The following EYS variants were observed in gnomAD, a reference collection of about 807,000 sequenced individuals.
EYS encodes the protein EGF-like photoreceptor maintenance factor.
Under a neutral mutation model 282.1 loss-of-function variants are expected in EYS, and 250 were observed. The observed-to-expected ratio is 0.89, with a 90% CI of 0.80 to 0.98. The LOEUF (loss-of-function observed/expected upper bound fraction) is 0.98. Among genes scored for constraint, EYS ranks in the 50% least tolerant of loss-of-function variants. The pLI is 0.00. For synonymous variants in EYS, 1,355 were observed against 1,282.9 expected, an observed-to-expected ratio of 1.06 and a Z score of -1.20; for missense variants, 4,016 against 3,709.0, an observed-to-expected ratio of 1.08 and a Z score of -2.15.
chr6:64,318,518 C>A (rs1770069697), intron 29 of EYS, among the ~76,000 whole-genome samples: 1 of 151,934 alleles, frequency 6.6e-6, no homozygotes, highest in Admixed American at 6.6e-5. Context: ...TTTTTAAAAT[C>A]ATGTATCTAA....
chr6:65,183,438 G>A (rs1170751909), intron 12 of EYS, among the ~76,000 whole-genome samples: 1 of 151,768 alleles, frequency 6.6e-6, no homozygotes, highest in African/African-American at 2.4e-5. Context: ...GTTATTTTGA[G>A]TTTCTAAAGG....
intron 22 of EYS, among the ~76,000 whole-genome samples, chr6:64,634,547 CAAA>C (rs57871928): frequency 7.4e-4 from 104 of 141,332 alleles, no homozygotes; most frequent in Admixed American, 1.0e-3. Context: ...CCCTAGCTTC[CAAA>C]AAAAAAAAAA....
chr6:63,992,900 C>T (rs1767667122), intron 34 of EYS, among the ~76,000 whole-genome samples: 1 of 151,710 alleles, frequency 6.6e-6, no homozygotes, highest in Non-Finnish European at 1.5e-5. Context: ...AAGGGAAAGA[C>T]CAGATCAAGG....
chr6:64,991,307 G>A (rs1044833790), intron 14 of EYS, among the ~76,000 whole-genome samples: 5 of 151,524 alleles, frequency 3.3e-5, no homozygotes, highest in East Asian at 3.9e-4. Context: ...AAATGGGCAT[G>A]ACCAAAAAAC....
intron 12 of EYS, among the ~76,000 whole-genome samples, chr6:65,183,509 A>G (rs1033850582): frequency 3.9e-5 from 6 of 151,908 alleles, no homozygotes; most frequent in Non-Finnish European, 5.9e-5. Flanking sequence ...TACATATCTT[A>G]TAGTACTAAA....
intron 22 of EYS, among the ~76,000 whole-genome samples, chr6:64,721,142 A>G (rs1771565269): frequency 6.6e-6 from 1 of 152,214 alleles, no homozygotes; most frequent in South Asian, 2.1e-4. Flanking sequence ...AACAGGAACA[A>G]CAAAGGCTAA....
At chr6:64,430,751 T>C (rs1774549941) in intron 28 of EYS, among the ~76,000 whole-genome samples, 1 of 152,172 alleles carries the variant, frequency 6.6e-6, no homozygotes, top group Admixed American at 6.6e-5. Flanking sequence ...ATGTGACTAA[T>C]CTCTAGCCAA....
chr6:65,324,042 T>A (rs887798539), intron 11 of EYS, among the ~76,000 whole-genome samples: 1 of 152,062 alleles, frequency 6.6e-6, no homozygotes, highest in Non-Finnish European at 1.5e-5. Flanking sequence ...TCAGGGCCTT[T>A]ACACCTGCTC....
intron 31 of EYS, among the ~76,000 whole-genome samples, chr6:64,152,687 T>A (rs1774782906): frequency 6.6e-6 from 1 of 152,298 alleles, no homozygotes; most frequent in Non-Finnish European, 1.5e-5. Flanking sequence ...GCTAAGACTT[T>A]GGAAAAGGCT....
In EYS at chr6:64,541,360, A is replaced by G. The variant is rs188596480; in HGVS notation, c.5644+48863T>C. On this transcript the variant is annotated intron_variant, in intron 26 of 42. Transcript: ENST00000503581. ...TCCTATTATAGTCCCAGCAGCCTTT[A>G]AAAAAATGTGCTTAGCCAGTCAAAA... Among the ~76,000 whole-genome samples the G allele has an allele frequency of 2.0e-5, 3 of 152,300 alleles. No homozygotes were observed. In the East Asian group the frequency reaches 5.8e-4, roughly 29 times the overall value.
At chr6:64,457,639 A>G (rs1463180042) in intron 26 of EYS, among the ~76,000 whole-genome samples, 1 of 152,018 alleles carries the variant, frequency 6.6e-6, no homozygotes, top group Non-Finnish European at 1.5e-5. Flanking sequence ...TCATTTTTGA[A>G]TTAAAATCCA....
At chr6:65,317,003 T>G (rs922427049) in intron 11 of EYS, among the ~76,000 whole-genome samples, 1 of 152,198 alleles carries the variant, frequency 6.6e-6, no homozygotes, top group Non-Finnish European at 1.5e-5. Context: ...TCTGTGTGGA[T>G]TTCAATTTGA....
At chr6:63,832,043 G>A (rs570632880) in intron 36 of EYS, among the ~76,000 whole-genome samples, 5 of 152,004 alleles carry the variant, frequency 3.3e-5, no homozygotes, top group Non-Finnish European at 5.9e-5. Context: ...AACATATCAG[G>A]ATCTCTGGGA....
At chr6:64,878,974 C>A (rs1312682578) in intron 19 of EYS, among the ~76,000 whole-genome samples, 1 of 152,088 alleles carries the variant, frequency 6.6e-6, no homozygotes, top group Non-Finnish European at 1.5e-5. Flanking sequence ...TCTGAAGTTC[C>A]ATTAACACGC....
At chr6:64,274,481 G>GTTTTT (rs10640761) in intron 30 of EYS, among the ~76,000 whole-genome samples, 8,892 of 91,988 alleles carry the variant, frequency 0.097, 944 homozygotes, top group Non-Finnish European at 0.11. Context: ...ACGCCTGGCC[G>GTTTTT]TTTTTTTTTT....
chr6:65,015,926 TC>T (rs1443778216), intron 13 of EYS, among the ~76,000 whole-genome samples: 1 of 144,356 alleles, frequency 6.9e-6, no homozygotes, highest in Non-Finnish European at 1.5e-5. Flanking sequence ...ACCCATGTAG[TC>T]CCAGCTACTC....
intron 35 of EYS, among the ~76,000 whole-genome samples, chr6:63,869,050 A>G (rs913169369): frequency 2.0e-5 from 3 of 152,192 alleles, no homozygotes; most frequent in Non-Finnish European, 4.4e-5. Flanking sequence ...GTGGCCTAGA[A>G]AGTGAACTTG....
At chr6:64,436,116 G>C in intron 28 of EYS, 58 bp downstream of exon 28, 4 of 1,017,330 alleles carry the variant, frequency 3.9e-6, no homozygotes, top group Non-Finnish European at 4.3e-6. Flanking sequence ...GTACAATATT[G>C]TTAGGGATAG....
chr6:64,306,879 C>G, intron 30 of EYS, 91 bp downstream of exon 30: 1 of 693,820 alleles, frequency 1.4e-6, no homozygotes, highest in South Asian at 1.7e-5. Flanking sequence ...AAATATAGTG[C>G]AGCCTTCATT....
Sources: allele counts gnomAD v4.1 joint callset (sites outside exome capture counted in the v4.1 genomes callset), GRCh38; gene constraint gnomAD v4.1.1; transcripts MANE v1.5; gene names NCBI Gene and HGNC (gene_info 2026-07-23, HGNC 2026-07-21).